The following XKR7 variants were observed in gnomAD, a reference collection of about 807,000 sequenced individuals.
The protein encoded by XKR7 is XK related 7, also known as XK-related protein 7.
Under a neutral mutation model 42.2 loss-of-function variants are expected in XKR7, and 11 were observed. The ratio of observed to expected loss-of-function variants is 0.26; its 90% CI spans 0.16 to 0.43. XKR7 has a LOEUF of 0.43. XKR7 is among the 20% of genes least tolerant of loss of function. XKR7 has a pLI of 1.00. For missense variants in XKR7, 710 were observed against 802.2 expected (o/e 0.89, Z 1.39); for synonymous variants, 346 against 366.4 (o/e 0.94, Z 0.64).
At chr20:31,972,137 G>A (rs1326693886) in intron 1 of XKR7, among the ~76,000 whole-genome samples, 1 of 152,192 alleles carries the variant, frequency 6.6e-6, no homozygotes, top group East Asian at 1.9e-4. Context: ...AGAGAGAGGA[G>A]GAGAAAGCAT....
At chr20:31,978,273 T>C (rs1424548180) in intron 1 of XKR7, among the ~76,000 whole-genome samples, 1 of 152,130 alleles carries the variant, frequency 6.6e-6, no homozygotes, top group Non-Finnish European at 1.5e-5. Flanking sequence ...GCCCAGCTAA[T>C]TTTAAGACAA....
At position 31,994,310 on chromosome 20, in the gene XKR7, C is replaced by T. The variant is rs543911065; in HGVS notation, c.585-758C>T. ...CAGTGTTGTCTAATGGTTAGAGTGC[C>T]GGCCCTGAGGCCAGAATGGCTGGGT... On this transcript the variant is annotated intron_variant, in intron 1 of 2. Coordinates refer to ENST00000562532, the MANE Select transcript of XKR7 (RefSeq NM_001011718.2). Among the ~76,000 whole-genome samples, 21 of 152,322 alleles carry T rather than the reference C, an allele frequency of 1.4e-4. No homozygotes were observed. The East Asian group carries it at 3.1e-3, about 22-fold the overall frequency.
intron 1 of XKR7, among the ~76,000 whole-genome samples, chr20:31,989,081 G>A (rs1450280932): frequency 3.3e-5 from 5 of 152,184 alleles, no homozygotes; most frequent in Admixed American, 3.3e-4. Context: ...TGATTTCATA[G>A]TGTAGGTTAA....
intron 1 of XKR7, among the ~76,000 whole-genome samples, chr20:31,993,569 G>A (rs2064578978): frequency 6.6e-6 from 1 of 152,164 alleles, no homozygotes; most frequent in Admixed American, 6.5e-5. Context: ...CAACAAGCCT[G>A]CAGTCGTGTT....
At chr20:31,969,101 C>G (rs948115992) in intron 1 of XKR7, among the ~76,000 whole-genome samples, 14 of 152,190 alleles carry the variant, frequency 9.2e-5, no homozygotes, top group African/African-American at 3.4e-4. Flanking sequence ...CCACAGGGCC[C>G]TATTCTGCCA....
chr20:31,985,552 A>C (rs1347073325), intron 1 of XKR7, among the ~76,000 whole-genome samples: 2 of 152,112 alleles, frequency 1.3e-5, no homozygotes, highest in Non-Finnish European at 2.9e-5. Flanking sequence ...AGACACAGAC[A>C]GACAGACCAC....
chr20:31,997,072 G>A lies in XKR7; in HGVS notation c.1355G>A (p.Gly452Asp), dbSNP rs762010576. Residue 452 changes from glycine to aspartate, a missense_variant, in exon 3 of 3, where the codon GGT becomes GAT. Physicochemically the swap from Gly to Asp is moderately conservative, Grantham distance 94. This residue lies in a region of XKR7 where 708 missense variants were observed against 786.2 expected (regional missense o/e 0.90). Coordinates refer to ENST00000562532, the MANE Select transcript of XKR7 (RefSeq NM_001011718.2). ...NGPMLGPQAP[G>D]CIFRKASEPC... ...CCCATGCTGGGTCCCCAGGCACCTG[G>A]TTGCATCTTCCGTAAGGCCTCAGAG... 4 of 1,613,744 alleles carry A rather than the reference G, an allele frequency of 2.5e-6. No homozygotes were observed. The African/African-American group carries it at 5.3e-5, about 21-fold the overall frequency.
In XKR7 at chr20:31,996,887, C is replaced by A. The variant is rs1424869909; in HGVS notation, c.1170C>A (p.Ile390=). The change falls in exon 3 of 3, where the codon ATC becomes ATA. Residue 390 remains isoleucine, a synonymous_variant. Transcript: ENST00000562532. The part of the protein sequence containing the change: ...SRRRMTLYHC[I]VLLENAALTG... ...GCCGCATGACCCTCTACCACTGCAT[C>A]GTCCTGCTGGAGAACGCCGCGCTCA... 1 of 1,613,906 alleles carries A rather than the reference C, an allele frequency of 6.2e-7. No individual in the cohort carries two copies. Among genetic ancestry groups the A allele is most frequent in the East Asian group, 2.2e-5 (1 of 44,864 alleles).
intron 1 of XKR7, among the ~76,000 whole-genome samples, chr20:31,985,872 CACAGACAG>C (rs796410926): frequency 2.2e-5 from 3 of 135,962 alleles, no homozygotes; most frequent in African/African-American, 2.8e-5. Flanking sequence ...AGCATCCAGA[CACAGACAG>C]ACAGACAGAC....
intron 1 of XKR7, among the ~76,000 whole-genome samples, chr20:31,988,512 C>T (rs1600660920): frequency 6.6e-6 from 1 of 152,174 alleles, no homozygotes; most frequent in Non-Finnish European, 1.5e-5. Context: ...CACTTGTACA[C>T]TTTTGAGATG....
intron 1 of XKR7, among the ~76,000 whole-genome samples, chr20:31,993,688 C>A (rs1471662262): frequency 6.6e-6 from 1 of 152,202 alleles, no homozygotes; most frequent in Non-Finnish European, 1.5e-5. Context: ...AGCAAGCCAG[C>A]CTAGTCATTC....
rs943141875 is a variant in XKR7 at position 32,001,107 on chromosome 20, C to T, written c.*3650C>T. 1.3e-5 allele frequency: 2 copies of T among 152,258 alleles called. No homozygotes were observed. The highest frequency in any genetic ancestry group is 2.4e-5 in the African/African-American group (1 of 41,450). The allele number at this position is 152,258 out of a possible 1,614,324, so 9.4% of individuals were successfully genotyped here. A position where few individuals can be genotyped will look rare whatever the true frequency, so the allele number is the denominator to read the frequency against. ...CTGGGAATATCCAGGGAAGGTCTCG[C>T]TTGCAGTCAACACCCTCCTAAGTAC... On this transcript the variant is annotated 3_prime_UTR_variant, in exon 3 of 3. Transcript: ENST00000562532.
At chr20:31,969,982 C>T (rs761591847) in intron 1 of XKR7, among the ~76,000 whole-genome samples, 4 of 152,228 alleles carry the variant, frequency 2.6e-5, no homozygotes, top group Non-Finnish European at 5.9e-5. Context: ...CAGCTGCTCA[C>T]TTGCTGTGTC....
chr20:31,970,712 G>C (rs952880000), intron 1 of XKR7: 6 of 152,162 alleles, frequency 3.9e-5, no homozygotes, highest in African/African-American at 1.4e-4. Flanking sequence ...GAGTCTATGT[G>C]CTCTAATTTG....
chr20:31,975,741 C>A (rs990261384), intron 1 of XKR7, among the ~76,000 whole-genome samples: 1 of 152,106 alleles, frequency 6.6e-6, no homozygotes. Context: ...GGGGAGATTT[C>A]CACTTATTAA....
chr20:31,978,887 C>T (rs759770830), intron 1 of XKR7, among the ~76,000 whole-genome samples: 11 of 152,150 alleles, frequency 7.2e-5, no homozygotes, highest in Non-Finnish European at 1.5e-4. Flanking sequence ...GTAATCCCAG[C>T]ACTTTGGGAG....
At chr20:31,969,706 G>A (rs1424590995) in intron 1 of XKR7, among the ~76,000 whole-genome samples, 1 of 152,156 alleles carries the variant, frequency 6.6e-6, no homozygotes, top group Non-Finnish European at 1.5e-5. Flanking sequence ...TGAAATGAGG[G>A]AGAATCCCTA....
At position 31,968,667 on chromosome 20, in the gene XKR7, C is replaced by T; in HGVS notation, c.492C>T (p.Ser164=). The part of the protein sequence containing the change: ...SPEPGPQPAP[S]SASAYRRRCC... ...AGCCGGGTCCCCAGCCTGCGCCCTC[C>T]TCGGCCAGCGCCTACCGCCGCCGCT... Residue 164 remains serine, a synonymous_variant, in exon 1 of 3, where the codon TCC becomes TCT. Coordinates refer to ENST00000562532, the MANE Select transcript of XKR7 (RefSeq NM_001011718.2). This position sits in a 1 kb window ranked among gnomAD's most constrained non-coding sequence, Gnocchi z 4.5. 1 of 1,570,930 alleles carries T rather than the reference C, an allele frequency of 6.4e-7. No individual in the cohort carries two copies. Among genetic ancestry groups the T allele is most frequent in the Non-Finnish European group, 8.6e-7 (1 of 1,166,036 alleles).
chr20:31,987,614 G>T (rs1405087072), intron 1 of XKR7, among the ~76,000 whole-genome samples: 1 of 151,408 alleles, frequency 6.6e-6, no homozygotes, highest in Non-Finnish European at 1.5e-5. Context: ...CCTCCAAGAG[G>T]ACCCAGTATT....
Sources: gnomAD v4.1 joint callset for allele counts (sites outside exome capture counted in the v4.1 genomes callset) on GRCh38, gnomAD v4.1.1 for gene constraint, gnomAD v4.1.1 regional missense constraint, Gnocchi (gnomAD v3.1) non-coding constraint, MANE v1.5 for transcripts, NCBI Gene and HGNC (gene_info 2026-07-23, HGNC 2026-07-21) for gene names.